Variants in TNFRSF10A observed in about 807,000 individuals in gnomAD.
TNFRSF10A encodes tumor necrosis factor receptor superfamily member 10A.
TNFRSF10A carries 44 observed loss-of-function variants against 42.8 expected under a neutral mutation model. The observed-to-expected ratio is 1.03, with a 90% CI of 0.81 to 1.32. TNFRSF10A has a LOEUF of 1.32. TNFRSF10A is among the 40% of genes most tolerant of loss of function. TNFRSF10A has a pLI of 0.00. For synonymous variants in TNFRSF10A, 259 were observed against 234.2 expected (o/e 1.11, Z -0.97); for missense variants, 680 against 602.0 (o/e 1.13, Z -1.36).
chr8:23,217,339 C>A (rs1162319991), intron 1 of TNFRSF10A, among the ~76,000 whole-genome samples: 1 of 152,078 alleles, frequency 6.6e-6, no homozygotes, highest in Non-Finnish European at 1.5e-5. Flanking sequence ...CCTCAGCCCT[C>A]CCCAGTAGCT....
intron 4 of TNFRSF10A, 80 bp downstream of exon 4, chr8:23,201,728 A>G (rs913089207): frequency 6.1e-5 from 79 of 1,297,610 alleles, no homozygotes; most frequent in Non-Finnish European, 8.3e-5. Context: ...TACGGGTACA[A>G]GGAGACTCGG....
chr8:23,200,844 C>A, intron 4 of TNFRSF10A, 84 bp from the exon 5 acceptor site: 1 of 1,292,810 alleles, frequency 7.7e-7, no homozygotes, highest in Non-Finnish European at 1.1e-6. Flanking sequence ...TCTCCCTGCC[C>A]AATGTCCCTG....
At chr8:23,220,413 A>G (rs1801241366) in intron 1 of TNFRSF10A, among the ~76,000 whole-genome samples, 1 of 152,218 alleles carries the variant, frequency 6.6e-6, no homozygotes, top group African/African-American at 2.4e-5. Flanking sequence ...TCTGAAGCTT[A>G]GACACTCAGG....
chr8:23,206,441 T>C (rs1302260845), intron 2 of TNFRSF10A, among the ~76,000 whole-genome samples: 1 of 152,226 alleles, frequency 6.6e-6, no homozygotes, highest in Admixed American at 6.5e-5. Context: ...TTATACCATA[T>C]TTTTATTGGG....
Position 23,202,688 on chromosome 8 carries a change from G to T in TNFRSF10A, c.477C>A (p.Asn159Lys), listed in dbSNP as rs765804391. The T allele has an allele frequency of 1.2e-6, 2 of 1,614,020 alleles. No individual in the cohort carries two copies. Among genetic ancestry groups the T allele is most frequent in the Middle Eastern group, 3.3e-4 (2 of 6,062 alleles). The change falls in exon 3 of 10, where the codon AAC becomes AAA. Residue 159 changes from asparagine to lysine, a missense_variant. By Grantham distance (94) the Asn-to-Lys change is moderately conservative. Coordinates refer to ENST00000221132, the MANE Select transcript of TNFRSF10A (RefSeq NM_003844.4). ...TEGVGYTNAS[N>K]NLFACLPCTA... ...TACATGGGAGGCAAGCAAACAAATT[G>T]TTGGAAGCATTGGTGTAACCCACAC... is the stretch of plus-strand genomic sequence containing the variant.
intron 2 of TNFRSF10A, among the ~76,000 whole-genome samples, chr8:23,210,801 A>G (rs1324360928): frequency 6.6e-6 from 1 of 152,260 alleles, no homozygotes; most frequent in Non-Finnish European, 1.5e-5. Context: ...AATTATATCA[A>G]TAGAATGAAA....
At chr8:23,208,681 C>G (rs1419212672) in intron 2 of TNFRSF10A, among the ~76,000 whole-genome samples, 1 of 152,182 alleles carries the variant, frequency 6.6e-6, no homozygotes, top group Non-Finnish European at 1.5e-5. Context: ...TGGTCTCAAT[C>G]TCCTGACCTC....
intron 1 of TNFRSF10A, among the ~76,000 whole-genome samples, chr8:23,217,920 G>A (rs1801206884): frequency 6.6e-6 from 1 of 152,224 alleles, no homozygotes; most frequent in African/African-American, 2.4e-5. Context: ...ACTGGTGGCA[G>A]GGACACCGGT....
intron 8 of TNFRSF10A, 98 bp from the exon 9 acceptor site, chr8:23,197,302 C>A: frequency 7.1e-7 from 1 of 1,409,700 alleles, no homozygotes; most frequent in Non-Finnish European, 1.0e-6. Context: ...TGCAGCACAT[C>A]ACTTTCCCCC....
chr8:23,218,342 A>G (rs1801213472), intron 1 of TNFRSF10A, among the ~76,000 whole-genome samples: 1 of 152,040 alleles, frequency 6.6e-6, no homozygotes, highest in Non-Finnish European at 1.5e-5. Context: ...TTTCAGAGGT[A>G]AGTTTGATAT....
intron 1 of TNFRSF10A, among the ~76,000 whole-genome samples, chr8:23,219,832 A>G (rs1338260071): frequency 1.3e-5 from 2 of 152,208 alleles, no homozygotes; most frequent in African/African-American, 2.4e-5. Context: ...CCACACAAAT[A>G]TATTACCAAC....
At chr8:23,219,646 G>C (rs984915301) in intron 1 of TNFRSF10A, among the ~76,000 whole-genome samples, 45 of 152,318 alleles carry the variant, frequency 3.0e-4, no homozygotes, top group African/African-American at 1.1e-3. Context: ...AGCCAGGTGA[G>C]AGGCGCAGCC....
chr8:23,206,530 C>T (rs182444229), intron 2 of TNFRSF10A, among the ~76,000 whole-genome samples: 1 of 152,196 alleles, frequency 6.6e-6, no homozygotes, highest in Admixed American at 6.5e-5. Flanking sequence ...GGTTTGTAAT[C>T]TAAGAGCAAT....
rs552332963 is a variant in TNFRSF10A, at chr8:23,215,450, G to T, written c.307-3238C>A. Among the ~76,000 whole-genome samples the T allele has an allele frequency of 2.3e-3, 343 of 152,256 alleles. 4 individuals are homozygous for T. The highest frequency in any genetic ancestry group is 7.8e-3 in the African/African-American group (323 of 41,534). ...TTGAACCCAGGAGGCGGAGGTTCCA[G>T]TGAGCTGAGATTGCACCACTGCACC... is the stretch of plus-strand genomic sequence containing the variant. On this transcript the variant is annotated intron_variant, in intron 1 of 9. Coordinates refer to ENST00000221132, the MANE Select transcript of TNFRSF10A (RefSeq NM_003844.4).
At chr8:23,222,839 C>A (rs1801275068) in intron 1 of TNFRSF10A, among the ~76,000 whole-genome samples, 2 of 152,090 alleles carry the variant, frequency 1.3e-5, no homozygotes, top group South Asian at 4.1e-4. Flanking sequence ...TTAGAATGAA[C>A]CTGGCCCCTC....
intron 1 of TNFRSF10A, among the ~76,000 whole-genome samples, chr8:23,215,389 T>C (rs897954689): frequency 1.3e-5 from 2 of 152,030 alleles, no homozygotes; most frequent in Admixed American, 1.3e-4. Context: ...GCACCTGTAA[T>C]CCCAGCTACT....
chr8:23,205,749 C>T (rs1445682783), intron 2 of TNFRSF10A, among the ~76,000 whole-genome samples: 2 of 147,670 alleles, frequency 1.4e-5, no homozygotes, highest in Non-Finnish European at 3.0e-5. Context: ...CACACTCCGT[C>T]ACCCAGGCTG....
chr8:23,207,016 T>A, intron 2 of TNFRSF10A: 1 of 413,016 alleles, frequency 2.4e-6, no homozygotes. Context: ...AGGTGTCCAC[T>A]GCCATGAAAA....
Position 23,191,640 on chromosome 8 carries a change from T to A in TNFRSF10A, c.*54A>T. ...ATACATGTTAAAAAAAAAAAAAACCTAATATGTATTAACTCCTAACACCTA... is the reference window on the plus strand; with the variant it reads ...ATACATGTTAAAAAAAAAAAAAACCAAATATGTATTAACTCCTAACACCTA... On this transcript the variant is annotated 3_prime_UTR_variant, in exon 10 of 10. Coordinates refer to ENST00000221132, the MANE Select transcript of TNFRSF10A (RefSeq NM_003844.4). 1 of 1,471,584 alleles carries A rather than the reference T, an allele frequency of 6.8e-7. No individual in the cohort carries two copies. Among genetic ancestry groups the A allele is most frequent in the Non-Finnish European group, 9.0e-7 (1 of 1,114,902 alleles). The allele number at this position is 1,471,584 out of a possible 1,614,324, so 91.2% of individuals were successfully genotyped here.
Sources: gnomAD v4.1 joint callset for allele counts (sites outside exome capture counted in the v4.1 genomes callset) on GRCh38, gnomAD v4.1.1 for gene constraint, MANE v1.5 for transcripts, NCBI Gene and HGNC (gene_info 2026-07-23, HGNC 2026-07-21) for gene names.